Variants in TGFBR2 observed in about 807,000 individuals in gnomAD.
TGFBR2 encodes the protein TGF-beta receptor type-2.
In TGFBR2, 18 loss-of-function variants were observed where a neutral mutation model predicts 49.0. The observed-to-expected ratio is 0.37, with a 90% CI of 0.25 to 0.54. TGFBR2 has a LOEUF of 0.54. Among genes scored for constraint, TGFBR2 ranks in the 20% least tolerant of loss-of-function variants. The pLI, the probability that TGFBR2 is intolerant of heterozygous loss-of-function variation, is 0.85. For synonymous variants in TGFBR2, 282 were observed against 275.9 expected (o/e 1.02, Z -0.22); for missense variants, 525 against 722.6 (o/e 0.73, Z 3.13).
chr3:30,644,820 G>A lies in TGFBR2; in HGVS notation c.168G>A (p.Val56=). ...KFPQLCKFCD[V]RFSTCDNQKS... ...CACAACTGTGTAAATTTTGTGATGT[G>A]AGATTTTCCACCTGTGACAACCAGA... The change falls in exon 2 of 7, where the codon GTG becomes GTA. Residue 56 remains valine (V), a synonymous_variant. Transcript: ENST00000295754. 3.7e-6 allele frequency: 6 copies of A among 1,614,162 alleles called. No individual in the cohort carries two copies. The highest frequency in any genetic ancestry group is 2.2e-5 in the South Asian group (2 of 91,084).
chr3:30,652,148 C>T (rs1230880922), intron 3 of TGFBR2, among the ~76,000 whole-genome samples: 2 of 151,978 alleles, frequency 1.3e-5, no homozygotes, highest in Non-Finnish European at 1.5e-5. Flanking sequence ...CTTGTCAGGG[C>T]AACGCTTTCC....
chr3:30,669,121 CAAAAAAAAAAAAAAAAA>C (rs56069409), intron 3 of TGFBR2, among the ~76,000 whole-genome samples: 1 of 83,464 alleles, frequency 1.2e-5, no homozygotes, highest in Non-Finnish European at 2.1e-5. Flanking sequence ...ACTAAAAATA[CAAAAAAAAAAAAAAAAA>C]AAAAAAAAAA....
intron 1 of TGFBR2, among the ~76,000 whole-genome samples, 162 bp from the exon 2 acceptor site, chr3:30,644,585 C>T (rs1436752654): frequency 6.6e-6 from 1 of 152,174 alleles, no homozygotes; most frequent in African/African-American, 2.4e-5. Flanking sequence ...AAATTGCATA[C>T]ACCAGATAAT....
intron 6 of TGFBR2, 94 bp from the exon 7 acceptor site, chr3:30,691,326 T>A: frequency 7.1e-7 from 1 of 1,417,622 alleles, no homozygotes; most frequent in South Asian, 1.2e-5. Context: ...TGGACCCTGC[T>A]TGCACTCACT....
intron 5 of TGFBR2, among the ~76,000 whole-genome samples, chr3:30,678,340 G>T (rs556585770): frequency 2.6e-5 from 4 of 152,218 alleles, no homozygotes; most frequent in Admixed American, 2.6e-4. Context: ...GAGGTCAGGA[G>T]ATCGAGACCA....
intron 2 of TGFBR2, among the ~76,000 whole-genome samples, chr3:30,647,560 T>TTTCATTCA (rs139204908): frequency 5.9e-5 from 9 of 151,406 alleles, no homozygotes; most frequent in Admixed American, 3.9e-4. Context: ...TTTAGTGTTT[T>TTTCATTCA]TTCATTCATT....
Position 30,691,766 on chromosome 3 carries a change from G to A in TGFBR2, c.*167G>A. 1.4e-6 allele frequency: 1 copy of A among 708,358 alleles called. No individual in the cohort carries two copies. Among genetic ancestry groups the A allele is most frequent in the Non-Finnish European group, 2.5e-6 (1 of 401,298 alleles). The allele number at this position is 708,358 out of a possible 1,614,324, so 43.9% of individuals were successfully genotyped here. ...CAGAAACAACAGCAGCAGGGAGTGG[G>A]TGACATAGAGCATTCTATGCCTTTG... On this transcript the variant is annotated 3_prime_UTR_variant, in exon 7 of 7. Transcript: ENST00000295754.
chr3:30,650,150 G>T, intron 2 of TGFBR2, 120 bp from the exon 3 acceptor site: 2 of 1,028,298 alleles, frequency 1.9e-6, no homozygotes, highest in Non-Finnish European at 1.5e-6. Context: ...CCGTTGTTAG[G>T]AACAACTTCA....
intron 1 of TGFBR2, among the ~76,000 whole-genome samples, chr3:30,607,331 A>T (rs910388502): frequency 6.6e-6 from 1 of 152,182 alleles, no homozygotes; most frequent in African/African-American, 2.4e-5. Flanking sequence ...CCGGAGCGGC[A>T]GCCTGAGCTG....
At chr3:30,664,958 TA>T (rs1282511959) in intron 3 of TGFBR2, among the ~76,000 whole-genome samples, 1 of 152,222 alleles carries the variant, frequency 6.6e-6, no homozygotes, top group Non-Finnish European at 1.5e-5. Flanking sequence ...CTCCACTCGG[TA>T]AAGGAGTTTA....
chr3:30,627,337 T>G (rs1022241535), intron 1 of TGFBR2, among the ~76,000 whole-genome samples: 5 of 152,154 alleles, frequency 3.3e-5, no homozygotes, highest in Non-Finnish European at 5.9e-5. Context: ...CACCATCGTT[T>G]GGAATTCTGA....
intron 6 of TGFBR2, among the ~76,000 whole-genome samples, chr3:30,689,755 CTG>C (rs1699683254): frequency 6.6e-6 from 1 of 152,218 alleles, no homozygotes; most frequent in Admixed American, 6.5e-5. Context: ...CTTTCAAACT[CTG>C]TTGCCTCCTC....
At chr3:30,624,012 G>A (rs192229253) in intron 1 of TGFBR2, among the ~76,000 whole-genome samples, 38 of 151,908 alleles carry the variant, frequency 2.5e-4, no homozygotes, top group Admixed American at 1.8e-3. Flanking sequence ...GCATGGTGGC[G>A]GGCGCCTGTA....
At chr3:30,662,876 G>C (rs761995634) in intron 3 of TGFBR2, among the ~76,000 whole-genome samples, 10 of 152,098 alleles carry the variant, frequency 6.6e-5, no homozygotes, top group South Asian at 2.1e-4. Flanking sequence ...CTTTATTTTT[G>C]CTAAACTGTT....
intron 1 of TGFBR2, among the ~76,000 whole-genome samples, chr3:30,610,696 G>A (rs1698013276): frequency 6.6e-6 from 1 of 152,108 alleles, no homozygotes; most frequent in African/African-American, 2.4e-5. Context: ...GTTATGGTGA[G>A]GATTAAATAA....
chr3:30,623,309 C>T, intron 1 of TGFBR2: 1 of 1,611,758 alleles, frequency 6.2e-7, no homozygotes, highest in African/African-American at 1.3e-5. Context: ...CATCATTTTT[C>T]TATTTTTAGT....
chr3:30,685,993 G>T (rs1161174203), intron 5 of TGFBR2, among the ~76,000 whole-genome samples: 3 of 152,118 alleles, frequency 2.0e-5, no homozygotes, highest in Non-Finnish European at 2.9e-5. Flanking sequence ...GTACCAAGGG[G>T]GCATCATATT....
chr3:30,668,517 C>A (rs909037916), intron 3 of TGFBR2, among the ~76,000 whole-genome samples: 1 of 152,150 alleles, frequency 6.6e-6, no homozygotes, highest in Admixed American at 6.5e-5. Flanking sequence ...GTGTTGTGTT[C>A]ATCTGCCCCC....
At chr3:30,675,221 C>T (rs193279460) in intron 5 of TGFBR2, among the ~76,000 whole-genome samples, 2 of 152,254 alleles carry the variant, frequency 1.3e-5, no homozygotes, top group East Asian at 3.9e-4. Context: ...AGCAGCCCAA[C>T]GCAAGCTCTC....
Sources: allele counts gnomAD v4.1 joint callset (sites outside exome capture counted in the v4.1 genomes callset), GRCh38; gene constraint gnomAD v4.1.1; transcripts MANE v1.5; gene names NCBI Gene and HGNC (gene_info 2026-07-23, HGNC 2026-07-21).